The following PUDP variants were observed in gnomAD, a reference collection of about 807,000 sequenced individuals.
PUDP encodes pseudouridine 5'-phosphatase, also known as pseudouridine-5'-phosphatase.
Under a neutral mutation model 9.4 loss-of-function variants are expected in PUDP, and 8 were observed. The ratio of observed to expected loss-of-function variants is 0.85; its 90% CI spans 0.50 to 1.53. The LOEUF (loss-of-function observed/expected upper bound fraction) is 1.53. Ranked by LOEUF, PUDP falls within the 40% of genes most tolerant of loss-of-function variation. The pLI is 0.00. For synonymous variants in PUDP, 99 were observed against 80.7 expected (o/e 1.23, Z -1.22); for missense variants, 188 against 189.7 (o/e 0.99, Z 0.05).
chrX:7,099,121 G>T (rs1275102564), intron 2 of PUDP, among the ~76,000 whole-genome samples: 2 of 112,472 alleles, frequency 1.8e-5, no homozygotes, highest in Non-Finnish European at 3.8e-5. Flanking sequence ...ACAATAAAAG[G>T]CACCAACTTT....
chrX:7,019,491 C>G (rs1225583259), intron 1 of PUDP, among the ~76,000 whole-genome samples: 1 of 111,890 alleles, frequency 8.9e-6, no homozygotes, highest in Non-Finnish European at 1.9e-5. Context: ...TTCTCGGAGA[C>G]CATCCTCCCT....
chrX:6,937,528 C>G (rs2146774370), intron 3 of PUDP, among the ~76,000 whole-genome samples: 1 of 103,476 alleles, frequency 9.7e-6, no homozygotes, highest in East Asian at 3.0e-4. Flanking sequence ...CCATAAAAAC[C>G]CTAGAAGAAA....
chrX:7,142,736 C>T (rs143541463), intron 1 of PUDP, among the ~76,000 whole-genome samples: 1,055 of 104,289 alleles, frequency 0.01, 11 homozygotes, highest in African/African-American at 0.035. Flanking sequence ...CCTCAGCCTC[C>T]CGGGTTCAAG....
At chrX:6,839,111 G>T (rs923810253) in intron 3 of PUDP, among the ~76,000 whole-genome samples, 31 of 112,175 alleles carry the variant, frequency 2.8e-4, no homozygotes, top group African/African-American at 9.7e-4. Flanking sequence ...GCACATTGAT[G>T]ATCTCATCCA....
At chrX:6,797,678 TCC>T (rs2146692882) in intron 3 of PUDP, among the ~76,000 whole-genome samples, 1 of 111,874 alleles carries the variant, frequency 8.9e-6, no homozygotes, top group Admixed American at 9.5e-5. Context: ...TGACATCAGC[TCC>T]AGATGACATC....
intron 3 of PUDP, among the ~76,000 whole-genome samples, chrX:6,806,793 A>C (rs1926057293): frequency 1.8e-5 from 2 of 112,764 alleles, no homozygotes; most frequent in Non-Finnish European, 3.7e-5. Context: ...TCCTGAGAGG[A>C]GAGAAGCCCA....
chrX:6,724,620 T>C (rs1333922294), upstream of PUDP, among the ~76,000 whole-genome samples: 3 of 111,104 alleles, frequency 2.7e-5, no homozygotes, highest in Admixed American at 9.6e-5. Context: ...TCAGGACTTA[T>C]CTTAAATGAG....
intron 3 of PUDP, among the ~76,000 whole-genome samples, chrX:6,876,834 G>T (rs1027229153): frequency 9.2e-6 from 1 of 108,999 alleles, no homozygotes; most frequent in African/African-American, 3.4e-5. Context: ...TGTACCTATA[G>T]ACATATATAC....
At chrX:6,970,295 G>A (rs1002165637) in intron 3 of PUDP, among the ~76,000 whole-genome samples, 1 of 112,497 alleles carries the variant, frequency 8.9e-6, no homozygotes, top group Non-Finnish European at 1.9e-5. Context: ...CAAGCTAAAT[G>A]TTTATACAAT....
At chrX:6,759,624 A>G (rs1163949364) in intron 3 of PUDP, among the ~76,000 whole-genome samples, 1 of 111,260 alleles carries the variant, frequency 9.0e-6, no homozygotes, top group African/African-American at 3.3e-5. Context: ...AGAAGGCAAA[A>G]TCACCCTTGG....
At chrX:6,860,884 G>T (rs1602649408) in intron 3 of PUDP, among the ~76,000 whole-genome samples, 1 of 111,985 alleles carries the variant, frequency 8.9e-6, no homozygotes, top group Admixed American at 9.4e-5. Flanking sequence ...ATAATAGAAG[G>T]GTTAAAAATG....
At chrX:6,916,507 T>C (rs1056180252) in intron 3 of PUDP, among the ~76,000 whole-genome samples, 1 of 110,504 alleles carries the variant, frequency 9.0e-6, no homozygotes, top group East Asian at 2.8e-4. Flanking sequence ...GTTGATTCTC[T>C]AGCTTATTAA....
chrX:6,846,409 CAAAAAAAAA>C (rs55712277), intron 3 of PUDP, among the ~76,000 whole-genome samples: 1 of 63,430 alleles, frequency 1.6e-5, no homozygotes, highest in Non-Finnish European at 3.0e-5. Context: ...GACTCCCTCT[CAAAAAAAAA>C]AAAAAAAAAG....
At chrX:7,036,940 G>T (rs1233453836) in intron 1 of PUDP, among the ~76,000 whole-genome samples, 2 of 111,846 alleles carry the variant, frequency 1.8e-5, no homozygotes, top group Non-Finnish European at 3.8e-5. Context: ...GTCTTTAATT[G>T]ATTCCTTAGA....
intron 1 of PUDP, among the ~76,000 whole-genome samples, chrX:6,719,612 C>A (rs886660529): frequency 1.8e-5 from 2 of 112,007 alleles, no homozygotes; most frequent in Non-Finnish European, 3.8e-5. Context: ...TCAATCATTT[C>A]TGCCCCAGAG....
At chrX:6,787,585 CT>C (rs778884049) in intron 3 of PUDP, among the ~76,000 whole-genome samples, 6 of 112,215 alleles carry the variant, frequency 5.3e-5, no homozygotes, top group Admixed American at 9.4e-5. Flanking sequence ...TGATACAATC[CT>C]TAATGCAACT....
intron 1 of PUDP, among the ~76,000 whole-genome samples, chrX:7,021,626 T>C (rs1465852387): frequency 8.9e-6 from 1 of 112,273 alleles, no homozygotes; most frequent in Non-Finnish European, 1.9e-5. Flanking sequence ...TCATTAATCA[T>C]GTCTTAGTGA....
intron 1 of PUDP, among the ~76,000 whole-genome samples, chrX:7,117,419 C>T (rs1292359837): frequency 8.9e-6 from 1 of 112,552 alleles, no homozygotes; most frequent in African/African-American, 3.2e-5. Context: ...TGGCTGCATT[C>T]TGTTCATGCC....
chrX:6,963,421 C>A (rs927614759), intron 3 of PUDP, among the ~76,000 whole-genome samples: 1 of 111,229 alleles, frequency 9.0e-6, no homozygotes, highest in African/African-American at 3.3e-5. Flanking sequence ...TGTCTGAATG[C>A]CCTGTGGGAT....
Sources: gnomAD v4.1 joint callset for allele counts (sites outside exome capture counted in the v4.1 genomes callset) on GRCh38, gnomAD v4.1.1 for gene constraint, MANE v1.5 for transcripts, NCBI Gene and HGNC (gene_info 2026-07-23, HGNC 2026-07-21) for gene names.